The following PARP4 variants were observed in gnomAD, a reference collection of about 807,000 sequenced individuals.
The protein encoded by PARP4 is protein mono-ADP-ribosyltransferase PARP4.
PARP4 carries 120 observed loss-of-function variants against 187.7 expected under a neutral mutation model. The ratio of observed to expected loss-of-function variants is 0.64; its 90% confidence interval spans 0.55 to 0.74. The LOEUF is 0.74. Ranked by LOEUF, PARP4 falls within the 30% of genes least tolerant of loss-of-function variation. PARP4 has a pLI of 0.00. For synonymous variants in PARP4, 654 were observed against 740.9 expected (o/e 0.88, Z 1.90); for missense variants, 1,836 against 2,070.5 (o/e 0.89, Z 2.20).
At chr13:24,474,365 G>T (rs4039104) in intron 15 of PARP4, among the ~76,000 whole-genome samples, 18,863 of 68,364 alleles carry the variant, frequency 0.28, 2,044 homozygotes, top group South Asian at 0.33. Context: ...TCCCCTTCAG[G>T]GCTGAGACTG....
At chr13:24,504,852 C>T (rs1238391894) in intron 1 of PARP4, among the ~76,000 whole-genome samples, 2 of 151,860 alleles carry the variant, frequency 1.3e-5, no homozygotes, top group Non-Finnish European at 2.9e-5. Context: ...CACCATGACA[C>T]CTGGCTAACT....
chr13:24,459,562 C>CACACACACAA, intron 18 of PARP4: 1 of 412,638 alleles, frequency 2.4e-6, no homozygotes, highest in Non-Finnish European at 4.3e-6. Context: ...CACACACACA[C>CACACACACAA]ACACATTTTA....
At chr13:24,489,820 C>T (rs74040591) in intron 10 of PARP4, among the ~76,000 whole-genome samples, 2,361 of 152,168 alleles carry the variant, frequency 0.016, 52 homozygotes, top group African/African-American at 0.054. Context: ...GCAACGCCCC[C>T]GCACAGCCCT....
chr13:24,440,566 G>A (rs766493431), intron 30 of PARP4, among the ~76,000 whole-genome samples: 8 of 152,046 alleles, frequency 5.3e-5, no homozygotes, highest in Admixed American at 1.3e-4. Context: ...AAATATCCAG[G>A]AGCTAGACGT....
intron 15 of PARP4, among the ~76,000 whole-genome samples, chr13:24,471,970 A>G (rs1280577160): frequency 6.6e-6 from 1 of 152,238 alleles, no homozygotes. Context: ...CAGCACTAGA[A>G]AGAATAAACA....
chr13:24,451,629 C>T (rs1871524392), intron 24 of PARP4, among the ~76,000 whole-genome samples: 1 of 142,788 alleles, frequency 7.0e-6, no homozygotes, highest in East Asian at 1.9e-4. Context: ...AGGATCTGCT[C>T]CATGCACTGC....
At chr13:24,494,105 C>T (rs1490603474) in intron 7 of PARP4, among the ~76,000 whole-genome samples, 1 of 152,188 alleles carries the variant, frequency 6.6e-6, no homozygotes, top group Non-Finnish European at 1.5e-5. Flanking sequence ...AATACATCTC[C>T]TGTCTTGTTC....
chr13:24,485,755 T>A (rs1005542962), intron 11 of PARP4, among the ~76,000 whole-genome samples: 8 of 152,250 alleles, frequency 5.3e-5, no homozygotes, highest in Non-Finnish European at 1.2e-4. Flanking sequence ...TAGATACACA[T>A]GGAAGACTCA....
chr13:24,435,607 T>A (rs1345559669), intron 30 of PARP4, 133 bp from the exon 31 acceptor site: 1 of 926,252 alleles, frequency 1.1e-6, no homozygotes, highest in Non-Finnish European at 1.6e-6. Flanking sequence ...ATCATCAATG[T>A]GAGCTGGGAT....
rs200250639 is a variant in PARP4 at position 24,494,727 on chromosome 13, G to A, written c.592-5C>T. 1 of 1,590,030 alleles carries A rather than the reference G, an allele frequency of 6.3e-7. No homozygotes were observed. The highest frequency in any genetic ancestry group is 8.6e-7 in the Non-Finnish European group (1 of 1,165,222). On this transcript the variant is annotated splice_polypyrimidine_tract_variant and splice_region_variant and intron_variant, in intron 6 of 33. Coordinates refer to ENST00000381989, the MANE Select transcript of PARP4 (RefSeq NM_006437.4). The stretch of plus-strand genomic sequence containing the variant: ...TATAGCAAACTGTCTTCTAGTCTGT[G>A]AATTATGGTGTATAGCAAAAGTACA...
intron 17 of PARP4, among the ~76,000 whole-genome samples, chr13:24,464,475 G>C (rs1006940042): frequency 6.6e-6 from 1 of 152,126 alleles, no homozygotes; most frequent in South Asian, 2.1e-4. Context: ...ACAGAATAGA[G>C]ATCTCAGAAG....
intron 3 of PARP4, among the ~76,000 whole-genome samples, 171 bp from the exon 4 acceptor site, chr13:24,500,553 T>C (rs930099808): frequency 7.5e-6 from 1 of 132,520 alleles, no homozygotes; most frequent in African/African-American, 2.7e-5. Context: ...CCTTATAAAA[T>C]AGGGAGAACA....
chr13:24,466,847 T>C (rs1872502921), intron 17 of PARP4, among the ~76,000 whole-genome samples: 1 of 138,706 alleles, frequency 7.2e-6, no homozygotes, highest in Non-Finnish European at 1.6e-5. Flanking sequence ...GGAGATACAA[T>C]GGAATCATTT....
At chr13:24,488,479 G>T (rs1409982717) in intron 10 of PARP4, among the ~76,000 whole-genome samples, 1 of 151,766 alleles carries the variant, frequency 6.6e-6, no homozygotes, top group Non-Finnish European at 1.5e-5. Flanking sequence ...TCAGCCCCTG[G>T]AGTAACTGGA....
Position 24,426,466 on chromosome 13 carries a change from C to T in PARP4, c.4979G>A (p.Arg1660Lys). ...TGCATAATACTATAGTTAAAGCCAC[C>T]TGGAAATAGAAGCGTCATCCATTTT... Reference protein sequence around the residue: ...LMKMDDASISRNIPWAFEAIK... With the variant: ...LMKMDDASISKNIPWAFEAIK... The change falls in exon 33 of 34, where the codon AGG becomes AAG. Residue 1660 changes from arginine (R) to lysine (K), a missense_variant and splice_region_variant. Around this residue, in one of 8 missense-constraint regions of PARP4, gnomAD observed 45 missense variants for 53.1 expected, o/e 0.85. Coordinates refer to ENST00000381989, the MANE Select transcript of PARP4 (RefSeq NM_006437.4). 2 of 1,606,682 alleles carry T rather than the reference C, an allele frequency of 1.2e-6. No individual in the cohort carries two copies. The highest frequency in any genetic ancestry group is 1.7e-6 in the Non-Finnish European group (2 of 1,176,262).
chr13:24,461,501 T>C (rs1008828962), intron 17 of PARP4, among the ~76,000 whole-genome samples: 2 of 152,182 alleles, frequency 1.3e-5, no homozygotes, highest in Non-Finnish European at 2.9e-5. Context: ...AGGGGACAGA[T>C]GGGACACAGG....
At chr13:24,493,777 T>C (rs756718367) in intron 7 of PARP4, 44 bp from the exon 8 acceptor site, 1 of 1,602,938 alleles carries the variant, frequency 6.2e-7, no homozygotes, top group Admixed American at 1.7e-5. Flanking sequence ...TCATCATGTG[T>C]GAGTTTGTGT....
At chr13:24,496,094 A>C (rs1028274329) in intron 6 of PARP4, among the ~76,000 whole-genome samples, 4 of 151,646 alleles carry the variant, frequency 2.6e-5, no homozygotes, top group Non-Finnish European at 5.9e-5. Flanking sequence ...TCATCTCTAC[A>C]GACTCGGGCT....
In PARP4 at chr13:24,443,683, A is replaced by G. The variant is rs1871064093; in HGVS notation, c.3414T>C (p.Asp1138=). ...AARALIRDYE[D]GILHENETSH... Reference sequence around the variant, plus strand: ...TGGTTTCATTTTCGTGAAGAATGCCATCTTCATAATCTCTGATTAGAGCTC... The same window carrying G: ...TGGTTTCATTTTCGTGAAGAATGCCGTCTTCATAATCTCTGATTAGAGCTC... The change falls in exon 28 of 34, where the codon GAT becomes GAC. Residue 1138 remains aspartate, a synonymous_variant. Transcript: ENST00000381989. 6.2e-7 allele frequency: 1 copy of G among 1,613,400 alleles called. No individual in the cohort carries two copies. The highest frequency in any genetic ancestry group is 8.5e-7 in the Non-Finnish European group (1 of 1,179,282).
Sources: allele counts gnomAD v4.1 joint callset (sites outside exome capture counted in the v4.1 genomes callset), GRCh38; gene constraint gnomAD v4.1.1; regional missense constraint gnomAD v4.1.1; transcripts MANE v1.5; gene names NCBI Gene and HGNC (gene_info 2026-07-23, HGNC 2026-07-21).